Variants in TMC8 observed in about 807,000 individuals in gnomAD.
TMC8 encodes the protein transmembrane channel like 8.
TMC8 carries 71 observed loss-of-function variants against 76.0 expected under a neutral mutation model. The ratio of observed to expected loss-of-function variants is 0.93; its 90% confidence interval spans 0.77 to 1.14. TMC8 has a LOEUF of 1.14. TMC8 is among the 50% of genes most tolerant of loss of function. TMC8 has a pLI of 0.00. For synonymous variants in TMC8, 433 were observed against 433.8 expected (o/e 1.00, Z 0.02); for missense variants, 924 against 947.9 (o/e 0.97, Z 0.33).
At position 78,141,327 on chromosome 17, in the gene TMC8, T is replaced by A; in HGVS notation, c.*215T>A. ...TCATCCCTTTAAAATGTCTATTTTTTATTGTGTTTTTTATAATATACATAA... is the reference window on the plus strand; with the variant it reads ...TCATCCCTTTAAAATGTCTATTTTTAATTGTGTTTTTTATAATATACATAA... On this transcript the variant is annotated 3_prime_UTR_variant, in exon 16 of 16. Transcript: ENST00000318430. 2.5e-6 allele frequency: 1 copy of A among 394,706 alleles called. No homozygotes were observed. The highest frequency in any genetic ancestry group is 3.7e-5 in the East Asian group (1 of 27,242). The allele number at this position is 394,706 out of a possible 1,614,324, so 24.5% of individuals were successfully genotyped here.
chr17:78,140,686 A>AGCGGGGCGTGGCCTCGG (rs1008713974), intron 15 of TMC8, 148 bp from the exon 16 acceptor site: 69 of 1,102,162 alleles, frequency 6.3e-5, no homozygotes, highest in East Asian at 3.7e-4. Flanking sequence ...TGTGGCCTCG[A>AGCGGGGCGTGGCCTCGG]GCGGGGCGTG....
intron 1 of TMC8, 28 bp from the exon 2 acceptor site, chr17:78,131,253 C>T: frequency 2.2e-6 from 1 of 454,844 alleles, no homozygotes; most frequent in Non-Finnish European, 4.1e-6. Context: ...CTTTCTGTGC[C>T]CTTTGGATCT....
Position 78,132,527 on chromosome 17 carries a change from A to G in TMC8, c.448+19A>G, listed in dbSNP as rs199710616. ...AACTTGAGTGAGTGTGAGGCCCACCAGGGGAAGTGCTCCGGTGCCCACCTG... is the reference window on the plus strand; with the variant it reads ...AACTTGAGTGAGTGTGAGGCCCACCGGGGGAAGTGCTCCGGTGCCCACCTG... On this transcript the variant is annotated intron_variant, in intron 4 of 15. Transcript: ENST00000318430. 98 of 1,603,726 alleles carry G rather than the reference A, an allele frequency of 6.1e-5. No individual in the cohort carries two copies. The Admixed American group carries it at 6.6e-4, about 11-fold the overall frequency.
chr17:78,134,310 A>G (rs910681181), intron 7 of TMC8, 84 bp from the exon 8 acceptor site: 12 of 1,486,200 alleles, frequency 8.1e-6, no homozygotes, highest in Non-Finnish European at 1.0e-5. Flanking sequence ...AATGGTTGTG[A>G]CTGTGTGTGA....
At position 78,132,404 on chromosome 17, in the gene TMC8, T is replaced by TCCTGCTGCTACTCAACCTGCTGAG. The variant is rs1403940739; in HGVS notation, c.354_377dup (p.Leu119_Leu126dup). On this transcript the variant is annotated inframe_insertion, in exon 4 of 16. Coordinates refer to ENST00000318430, the MANE Select transcript of TMC8 (RefSeq NM_152468.5). ...CGGTCCTACTTCACCTTCCTCCGCTTCCTGCTGCTACTCAACCTGCTGAGC... is the reference window on the plus strand; with the variant it reads ...CGGTCCTACTTCACCTTCCTCCGCTTCCTGCTGCTACTCAACCTGCTGAGCCTGCTGCTACTCAACCTGCTGAGC... 2.5e-6 allele frequency: 4 copies of TCCTGCTGCTACTCAACCTGCTGAG among 1,613,044 alleles called. No individual in the cohort carries two copies. The South Asian group carries it at 3.3e-5, about 13-fold the overall frequency.
chr17:78,131,204 G>A (rs1232952745), intron 1 of TMC8, 77 bp from the exon 2 acceptor site: 1 of 362,388 alleles, frequency 2.8e-6, no homozygotes, highest in African/African-American at 2.2e-5. Flanking sequence ...GATGCGGGGT[G>A]CAGCAGGTCT....
rs2075360334 is a variant in TMC8, at chr17:78,140,916, A to G, written c.1985A>G (p.Lys662Arg). ...GGCCCGAGCGACTCTCCGGGCCCCA[A>G]GTACCCTGCCTCCCAAGCTTCGCGC... ...EPGPSDSPGP[K>R]YPASQASRPQ... is the part of the protein sequence containing the mutation. The change falls in exon 16 of 16, where the codon AAG becomes AGG. Residue 662 changes from lysine to arginine, a missense_variant. By Grantham distance (26) the Lys-to-Arg change is conservative. Transcript: ENST00000318430. 1.9e-6 allele frequency: 3 copies of G among 1,605,654 alleles called. No homozygotes were observed. Among genetic ancestry groups the G allele is most frequent in the South Asian group, 2.2e-5 (2 of 89,752 alleles).
In TMC8 at chr17:78,141,255, G is replaced by A; in HGVS notation, c.*143G>A. On this transcript the variant is annotated 3_prime_UTR_variant, in exon 16 of 16. Coordinates refer to ENST00000318430, the MANE Select transcript of TMC8 (RefSeq NM_152468.5). ...CCCCAAAGATGGACACACAACCCCAGCGGCAGCAGGAAAAACATATGGGAA... is the reference window on the plus strand; with the variant it reads ...CCCCAAAGATGGACACACAACCCCAACGGCAGCAGGAAAAACATATGGGAA... 2.4e-6 allele frequency: 1 copy of A among 424,434 alleles called. No individual in the cohort carries two copies. The highest frequency in any genetic ancestry group is 4.1e-6 in the Non-Finnish European group (1 of 241,746). The allele number at this position is 424,434 out of a possible 1,614,324, so 26.3% of individuals were successfully genotyped here. A position where few individuals can be genotyped will look rare whatever the true frequency, so the allele number is the denominator to read the frequency against.
intron 2 of TMC8, 63 bp from the exon 3 acceptor site, chr17:78,131,819 C>G: frequency 6.7e-6 from 10 of 1,502,000 alleles, no homozygotes; most frequent in Non-Finnish European, 8.9e-6. Context: ...AGCACCCCGT[C>G]TGCTTGGCCC....
At chr17:78,135,316 G>A (rs1046790084) in intron 9 of TMC8, among the ~76,000 whole-genome samples, 2 of 152,148 alleles carry the variant, frequency 1.3e-5, no homozygotes, top group African/African-American at 4.8e-5. Flanking sequence ...CAGCAACACG[G>A]GACATGCAGA....
In TMC8 at chr17:78,141,792, C is replaced by G. The variant is rs1370243246; in HGVS notation, c.*680C>G. ...GCGTGCTGGGTCAGCCTCTCCCTGG[C>G]GGGAATCCTCTCCGTCCAGTCTTCT... On this transcript the variant is annotated 3_prime_UTR_variant, in exon 16 of 16. Transcript: ENST00000318430. The G allele has an allele frequency of 6.6e-6, 1 of 152,298 alleles. No individual in the cohort carries two copies. The highest frequency in any genetic ancestry group is 2.1e-4 in the South Asian group (1 of 4,834). The allele number at this position is 152,298 out of a possible 1,614,324, so 9.4% of individuals were successfully genotyped here.
At chr17:78,131,198 C>T (rs753696688) in intron 1 of TMC8, 83 bp from the exon 2 acceptor site, 33 of 345,824 alleles carry the variant, frequency 9.5e-5, no homozygotes, top group South Asian at 4.0e-4. Context: ...CAGGTGGATG[C>T]GGGGTGCAGC....
chr17:78,138,208 G>T lies in TMC8; in HGVS notation c.1533+20G>T. The T allele has an allele frequency of 6.2e-7, 1 of 1,613,690 alleles. No homozygotes were observed. Among genetic ancestry groups the T allele is most frequent in the Non-Finnish European group, 8.5e-7 (1 of 1,179,934 alleles). Reference sequence around the variant, plus strand: ...AAGAAGGTGACGGCTCATGGCTGGGGGGTATGGGGTTCGTGCCTCTGGGTG... The same window carrying T: ...AAGAAGGTGACGGCTCATGGCTGGGTGGTATGGGGTTCGTGCCTCTGGGTG... On this transcript the variant is annotated intron_variant, in intron 12 of 15. Transcript: ENST00000318430.
Position 78,141,142 on chromosome 17 carries a change from TG to T in TMC8, c.*34del. The T allele has an allele frequency of 6.6e-7, 1 of 1,521,876 alleles. No homozygotes were observed. The highest frequency in any genetic ancestry group is 8.7e-7 in the Non-Finnish European group (1 of 1,143,346). The allele number at this position is 1,521,876 out of a possible 1,614,324, so 94.3% of individuals were successfully genotyped here. A position where few individuals can be genotyped will look rare whatever the true frequency, so the allele number is the denominator to read the frequency against. ...TACCCCTGCCTCCCCGAAGCCTCCC[TG>T]GGGCCCCTTCAGGCCTCCTTACTCC... On this transcript the variant is annotated 3_prime_UTR_variant, in exon 16 of 16. Transcript: ENST00000318430.
At chr17:78,133,712 C>T (rs1458130301) in intron 6 of TMC8, 141 bp from the exon 7 acceptor site, 53 of 1,514,960 alleles carry the variant, frequency 3.5e-5, no homozygotes, top group East Asian at 4.7e-5. Context: ...ACAGGGCCAC[C>T]GCCCCCTACC....
Position 78,141,085 on chromosome 17 carries a change from C to G in TMC8, c.2154C>G (p.Phe718Leu). 1 of 1,584,304 alleles carries G rather than the reference C, an allele frequency of 6.3e-7. No homozygotes were observed. Among genetic ancestry groups the G allele is most frequent in the South Asian group, 1.1e-5 (1 of 88,782 alleles). Reference sequence around the variant, plus strand: ...GTGCCCCGGCCTCCGCCCGCAGATTCCGCTTCCCCAGCGGCGCGGAGCTGT... The same window carrying G: ...GTGCCCCGGCCTCCGCCCGCAGATTGCGCTTCCCCAGCGGCGCGGAGCTGT... ...QHGAPASARR[F>L]RFPSGAEL The change falls in exon 16 of 16, where the codon TTC becomes TTG. Residue 718 changes from phenylalanine to leucine, a missense_variant. Physicochemically the swap from Phe to Leu is conservative, Grantham distance 22. Transcript: ENST00000318430.
Position 78,136,425 on chromosome 17 carries a change from G to A in TMC8, c.1128-810G>A, listed in dbSNP as rs146831617. On this transcript the variant is annotated intron_variant, in intron 9 of 15. Coordinates refer to ENST00000318430, the MANE Select transcript of TMC8 (RefSeq NM_152468.5). ...GTCAAGGCTACAGGGAGCTGTGATC[G>A]CGTCACTGCACTCCAGCCTAGGCAA... is the stretch of plus-strand genomic sequence containing the variant. Among the ~76,000 whole-genome samples, 165 of 152,050 alleles carry A rather than the reference G, an allele frequency of 1.1e-3. 1 individual carries two copies. Among genetic ancestry groups the A allele is most frequent in the African/African-American group, 3.2e-3 (132 of 41,454 alleles).
chr17:78,134,612 G>C (rs1397338506), intron 8 of TMC8, 48 bp downstream of exon 8: 1 of 1,606,546 alleles, frequency 6.2e-7, no homozygotes, highest in Non-Finnish European at 8.5e-7. Context: ...CTGCGGGGGT[G>C]AGACAGGATG....
In TMC8 at chr17:78,133,453, G is replaced by A. The variant is rs113009901; in HGVS notation, c.579G>A (p.Pro193=). Residue 193 remains proline (P), a synonymous_variant, in exon 6 of 16, where the codon CCG becomes CCA. Coordinates refer to ENST00000318430, the MANE Select transcript of TMC8 (RefSeq NM_152468.5). Reference sequence around the variant, plus strand: ...TCTACGGTGCGTACCGAGTGGGGCCGGAGAGCAGCTCCGTGTACAGCATCC... The same window carrying A: ...TCTACGGTGCGTACCGAGTGGGGCCAGAGAGCAGCTCCGTGTACAGCATCC... ...YLFYGAYRVG[P]ESSSVYSIRL... is the part of the protein sequence containing the mutation. 122 of 1,613,628 alleles carry A rather than the reference G, an allele frequency of 7.6e-5. No individual in the cohort carries two copies. The highest frequency in any genetic ancestry group is 1.2e-4 in the African/African-American group (9 of 74,910).
Sources: allele counts gnomAD v4.1 joint callset (sites outside exome capture counted in the v4.1 genomes callset), GRCh38; gene constraint gnomAD v4.1.1; transcripts MANE v1.5; gene names NCBI Gene and HGNC (gene_info 2026-07-23, HGNC 2026-07-21).